XRCC4: variants seen among roughly 807,000 people sequenced by gnomAD.
XRCC4 encodes the protein DNA repair protein XRCC4.
A neutral mutation model predicts 39.1 loss-of-function variants in XRCC4; 28 were observed. The ratio of observed to expected loss-of-function variants is 0.72; its 90% CI spans 0.53 to 0.98. The LOEUF is 0.98. Among genes scored for constraint, XRCC4 ranks in the 50% least tolerant of loss-of-function variants. The pLI, the probability that XRCC4 is intolerant of heterozygous loss-of-function variation, is 0.00. For synonymous variants in XRCC4, 123 were observed against 126.4 expected (o/e 0.97, Z 0.18); for missense variants, 350 against 376.4 (o/e 0.93, Z 0.58).
At chr5:83,209,457 G>C (rs1385368870) in intron 6 of XRCC4, among the ~76,000 whole-genome samples, 1 of 152,020 alleles carries the variant, frequency 6.6e-6, no homozygotes, top group Non-Finnish European at 1.5e-5. Flanking sequence ...TAACAGAATT[G>C]TATGTGAAAA....
intron 1 of XRCC4, among the ~76,000 whole-genome samples, chr5:83,082,035 T>G (rs1043877020): frequency 6.6e-6 from 1 of 152,210 alleles, no homozygotes; most frequent in Non-Finnish European, 1.5e-5. Context: ...TCTGTTGGCT[T>G]TTTCTATGAA....
chr5:83,360,196 T>C, the XRCC4 span, among the ~76,000 whole-genome samples: 56 of 152,270 alleles, frequency 3.7e-4, no homozygotes, highest in African/African-American at 1.3e-3. Context: ...AGGAGTTCTC[T>C]CTGTCACTCT....
chr5:83,252,368 A>C (rs545554529), intron 6 of XRCC4, among the ~76,000 whole-genome samples: 2 of 152,208 alleles, frequency 1.3e-5, no homozygotes, highest in African/African-American at 4.8e-5. Flanking sequence ...AGCCAAAAGC[A>C]GTCATAGTAG....
intron 3 of XRCC4, among the ~76,000 whole-genome samples, chr5:83,152,705 A>T (rs1439363105): frequency 6.6e-6 from 1 of 152,110 alleles, no homozygotes; most frequent in African/African-American, 2.4e-5. Context: ...GGTTTTTGGA[A>T]AGATCTATGT....
At chr5:83,127,547 G>A (rs1041418967) in intron 3 of XRCC4, among the ~76,000 whole-genome samples, 15 of 150,616 alleles carry the variant, frequency 1.0e-4, no homozygotes, top group East Asian at 3.9e-4. Flanking sequence ...CCATTAAACC[G>A]TTTTTGTTTT....
At chr5:83,210,057 A>G (rs1188629728) in intron 6 of XRCC4, among the ~76,000 whole-genome samples, 1 of 152,162 alleles carries the variant, frequency 6.6e-6, no homozygotes, top group East Asian at 1.9e-4. Flanking sequence ...AAATAAATGA[A>G]TGGCTATGTC....
At chr5:83,199,093 A>G (rs932251518) in intron 4 of XRCC4, among the ~76,000 whole-genome samples, 10 of 152,142 alleles carry the variant, frequency 6.6e-5, no homozygotes, top group Non-Finnish European at 1.2e-4. Context: ...ACACTCACAG[A>G]ATCATCAAAA....
chr5:83,283,342 C>A (rs1051750593), intron 7 of XRCC4, among the ~76,000 whole-genome samples: 1 of 152,198 alleles, frequency 6.6e-6, no homozygotes, highest in Non-Finnish European at 1.5e-5. Context: ...TTTCTGCTAT[C>A]CACCTAATTT....
At chr5:83,269,859 C>T (rs1754077478) in intron 7 of XRCC4, among the ~76,000 whole-genome samples, 1 of 151,994 alleles carries the variant, frequency 6.6e-6, no homozygotes, top group Admixed American at 6.6e-5. Flanking sequence ...TTTCCATGGA[C>T]CTGGGGTGGG....
At chr5:83,087,910 T>G (rs772322974) in intron 1 of XRCC4, among the ~76,000 whole-genome samples, 1 of 152,192 alleles carries the variant, frequency 6.6e-6, no homozygotes, top group Non-Finnish European at 1.5e-5. Flanking sequence ...GTCTTGTACC[T>G]TGGCCAAAGT....
chr5:83,322,319 A>C (rs1483003165), intron 7 of XRCC4, among the ~76,000 whole-genome samples: 1 of 152,038 alleles, frequency 6.6e-6, no homozygotes, highest in Non-Finnish European at 1.5e-5. Flanking sequence ...ATGAACTCAC[A>C]ATTTTCCATG....
chr5:83,265,913 CG>C (rs1753938340), intron 7 of XRCC4, among the ~76,000 whole-genome samples: 1 of 151,852 alleles, frequency 6.6e-6, no homozygotes, highest in African/African-American at 2.4e-5. Context: ...TAGGCTATTA[CG>C]TACATTTAAA....
At chr5:83,264,636 G>A (rs866827612) in intron 7 of XRCC4, among the ~76,000 whole-genome samples, 1 of 151,984 alleles carries the variant, frequency 6.6e-6, no homozygotes, top group African/African-American at 2.4e-5. Flanking sequence ...GATGACCACC[G>A]TTGAGACCTG....
At chr5:83,317,141 T>G (rs1755916562) in intron 7 of XRCC4, among the ~76,000 whole-genome samples, 1 of 4,764 alleles carries the variant, frequency 2.1e-4, no homozygotes, top group African/African-American at 8.7e-4. Flanking sequence ...AATAAAGATG[T>G]TCTTTGAAAC....
At position 83,105,182 on chromosome 5, in the gene XRCC4, A is replaced by G. The variant is rs1011690359; in HGVS notation, c.139+124A>G. 3 of 892,100 alleles carry G rather than the reference A, an allele frequency of 3.4e-6. No homozygotes were observed. In the African/African-American group the frequency reaches 5.3e-5, roughly 16 times the overall value. The allele number at this position is 892,100 out of a possible 1,614,324, so 55.3% of individuals were successfully genotyped here. ...TAATTTTACTTGCTATTGCTGTCAA[A>G]TTTATACACAGGTTTGTAATATTTA... On this transcript the variant is annotated intron_variant, in intron 2 of 7. Transcript: ENST00000396027.
the XRCC4 span, among the ~76,000 whole-genome samples, chr5:83,361,774 A>T: frequency 6.6e-6 from 1 of 152,116 alleles, no homozygotes; most frequent in Non-Finnish European, 1.5e-5. Flanking sequence ...GGCATCTGCC[A>T]CCATGCCCAG....
intron 1 of XRCC4, among the ~76,000 whole-genome samples, chr5:83,080,813 A>G (rs1744903947): frequency 6.6e-6 from 1 of 152,216 alleles, no homozygotes; most frequent in Admixed American, 6.5e-5. Context: ...GCCAAAGAGT[A>G]GCTGTAAAGT....
intron 6 of XRCC4, among the ~76,000 whole-genome samples, chr5:83,244,174 T>TG (rs748444451): frequency 5.3e-5 from 8 of 152,200 alleles, no homozygotes; most frequent in Non-Finnish European, 1.0e-4. Context: ...ATTATGTACT[T>TG]GAAGTATTAA....
At chr5:83,114,523 C>T (rs571536569) in intron 3 of XRCC4, among the ~76,000 whole-genome samples, 4 of 152,274 alleles carry the variant, frequency 2.6e-5, no homozygotes, top group Non-Finnish European at 5.9e-5. Context: ...GCAAGAGTGA[C>T]CTTTAGTTCC....
Sources: gnomAD v4.1 joint callset for allele counts (sites outside exome capture counted in the v4.1 genomes callset) on GRCh38, gnomAD v4.1.1 for gene constraint, MANE v1.5 for transcripts, NCBI Gene and HGNC (gene_info 2026-07-23, HGNC 2026-07-21) for gene names.